Variants in MCPH1 observed in about 807,000 individuals in gnomAD.
MCPH1 encodes the protein microcephalin.
MCPH1 carries 104 observed loss-of-function variants against 84.5 expected under a neutral mutation model. The observed-to-expected ratio is 1.23, with a 90% CI of 1.05 to 1.45. MCPH1 has a LOEUF of 1.45. MCPH1 is among the 40% of genes most tolerant of loss of function. The pLI, the probability that MCPH1 is intolerant of heterozygous loss-of-function variation, is 0.00. For missense variants in MCPH1, 1,498 were observed against 1,005.7 expected, an observed-to-expected ratio of 1.49 and a Z score of -6.62; for synonymous variants, 514 against 366.8, an observed-to-expected ratio of 1.40 and a Z score of -4.58.
chr8:6,437,967 C>T (rs770899115), intron 5 of MCPH1, among the ~76,000 whole-genome samples: 5 of 152,144 alleles, frequency 3.3e-5, no homozygotes, highest in Non-Finnish European at 5.9e-5. Context: ...AGAAGGACAT[C>T]CCCTCCCTGG....
chr8:6,460,909 A>G (rs531646279), intron 9 of MCPH1, among the ~76,000 whole-genome samples: 105 of 152,222 alleles, frequency 6.9e-4, no homozygotes, highest in African/African-American at 2.5e-3. Context: ...AGCTTTTCTG[A>G]GGGCTCACAG....
intron 3 of MCPH1, among the ~76,000 whole-genome samples, chr8:6,418,201 G>A (rs180986325): frequency 1.1e-3 from 161 of 152,144 alleles, no homozygotes; most frequent in Admixed American, 9.9e-3. Flanking sequence ...TCTCTTCAGC[G>A]AGAAAGGAGG....
intron 12 of MCPH1, chr8:6,519,840 A>C (rs1303369623): frequency 6.2e-7 from 1 of 1,611,880 alleles, no homozygotes; most frequent in Non-Finnish European, 8.5e-7. Context: ...CCAGGGAGTT[A>C]GTAAGGGGAG....
intron 12 of MCPH1, among the ~76,000 whole-genome samples, chr8:6,530,221 A>G (rs1314591585): frequency 6.6e-6 from 1 of 152,032 alleles, no homozygotes. Flanking sequence ...ATTGAAAGTA[A>G]TGGTGGCCAG....
chr8:6,526,952 T>C (rs191443134), intron 12 of MCPH1, among the ~76,000 whole-genome samples: 1 of 152,336 alleles, frequency 6.6e-6, no homozygotes, highest in East Asian at 1.9e-4. Flanking sequence ...ATGTTTAATA[T>C]TTTTGGTTTT....
chr8:6,637,020 G>C (rs933929515), intron 13 of MCPH1, among the ~76,000 whole-genome samples: 3 of 152,204 alleles, frequency 2.0e-5, no homozygotes, highest in Non-Finnish European at 2.9e-5. Context: ...TCAAATATCA[G>C]AGCAGAAAGA....
At chr8:6,530,516 A>G (rs1251429169) in intron 12 of MCPH1, among the ~76,000 whole-genome samples, 1 of 147,558 alleles carries the variant, frequency 6.8e-6, no homozygotes, top group Non-Finnish European at 1.5e-5. Context: ...CTCAAAAAAA[A>G]AAAAAAAAAA....
chr8:6,492,916 C>T (rs773062626), intron 11 of MCPH1, among the ~76,000 whole-genome samples: 8 of 151,998 alleles, frequency 5.3e-5, no homozygotes, highest in African/African-American at 1.2e-4. Flanking sequence ...CTTCCTGGTA[C>T]GTGGCTCTAG....
At chr8:6,630,570 T>C (rs1797078410) in intron 13 of MCPH1, among the ~76,000 whole-genome samples, 2 of 151,772 alleles carry the variant, frequency 1.3e-5, no homozygotes, top group South Asian at 4.2e-4. Flanking sequence ...TCACTTGAGG[T>C]CAGGAACTAG....
chr8:6,635,002 C>T (rs1797438999), intron 13 of MCPH1: 1 of 152,218 alleles, frequency 6.6e-6, no homozygotes, highest in Admixed American at 6.5e-5. Flanking sequence ...ACTAAAGACA[C>T]AGATGTGCGT....
chr8:6,580,744 CAGGAGGCAGAAAGACT>C (rs1827503572), intron 12 of MCPH1, among the ~76,000 whole-genome samples: 1 of 152,148 alleles, frequency 6.6e-6, no homozygotes, highest in Non-Finnish European at 1.5e-5. Context: ...GAAAAAGACC[CAGGAGGCAGAAAGACT>C]TCCCTGAGGG....
chr8:6,623,782 T>C (rs1831758961), intron 13 of MCPH1, among the ~76,000 whole-genome samples: 1 of 146,962 alleles, frequency 6.8e-6, no homozygotes, highest in Non-Finnish European at 1.5e-5. Flanking sequence ...ATGCCAAGAA[T>C]ATAACCTTCA....
chr8:6,604,549 G>T (rs1829609259), intron 12 of MCPH1, among the ~76,000 whole-genome samples: 1 of 152,252 alleles, frequency 6.6e-6, no homozygotes, highest in Admixed American at 6.5e-5. Context: ...CTATCGCCCA[G>T]GCTGGAGTGC....
chr8:6,468,062 G>A (rs1156567458), intron 9 of MCPH1, among the ~76,000 whole-genome samples: 2 of 152,182 alleles, frequency 1.3e-5, no homozygotes, highest in Non-Finnish European at 2.9e-5. Context: ...AGTATAAGGA[G>A]TTTCTGCCCT....
At chr8:6,639,590 G>C (rs1323751431) in intron 13 of MCPH1, among the ~76,000 whole-genome samples, 1 of 151,480 alleles carries the variant, frequency 6.6e-6, no homozygotes, top group Non-Finnish European at 1.5e-5. Flanking sequence ...TCGAGGACAG[G>C]AATTCCAGGC....
In MCPH1 at chr8:6,508,962, T is replaced by C. The variant is rs1814362251; in HGVS notation, c.2214+9033T>C. The C allele has an allele frequency of 2.5e-6, 4 of 1,614,160 alleles. No individual in the cohort carries two copies. The Admixed American group carries it at 6.7e-5, about 27-fold the overall frequency. ...GTTAGCATTTGTGAACATTTGCAAA[T>C]ACATTTGTCGTTGTCTCCATCCTTT... On this transcript the variant is annotated intron_variant, in intron 12 of 13. Transcript: ENST00000344683.
intron 9 of MCPH1, among the ~76,000 whole-genome samples, chr8:6,469,089 A>G (rs1487534016): frequency 1.3e-5 from 2 of 152,054 alleles, no homozygotes; most frequent in Non-Finnish European, 2.9e-5. Context: ...CCAAGCTACT[A>G]GGGAGGCTTG....
intron 11 of MCPH1, among the ~76,000 whole-genome samples, chr8:6,485,941 T>C (rs1809848658): frequency 6.6e-6 from 1 of 152,122 alleles, no homozygotes; most frequent in Non-Finnish European, 1.5e-5. Context: ...CCTCAAAAAG[T>C]TTAGAAACAA....
chr8:6,538,936 C>T (rs1335262755), intron 12 of MCPH1, among the ~76,000 whole-genome samples: 2 of 152,104 alleles, frequency 1.3e-5, no homozygotes, highest in East Asian at 3.9e-4. Flanking sequence ...TTCTTGGTTC[C>T]CTGTCATGAG....
Sources: allele counts gnomAD v4.1 joint callset (sites outside exome capture counted in the v4.1 genomes callset), GRCh38; gene constraint gnomAD v4.1.1; transcripts MANE v1.5; gene names NCBI Gene and HGNC (gene_info 2026-07-23, HGNC 2026-07-21).